SCNN1G: variants seen among roughly 807,000 people sequenced by gnomAD.
SCNN1G encodes the protein epithelial sodium channel subunit gamma.
SCNN1G carries 27 observed loss-of-function variants against 64.6 expected under a neutral mutation model. That is an observed-to-expected ratio of 0.42 (90% confidence interval 0.31 to 0.58). The LOEUF is 0.58. SCNN1G is among the 20% of genes least tolerant of loss of function. The pLI is 0.18. For missense variants in SCNN1G, 743 were observed against 823.4 expected (o/e 0.90, Z 1.19); for synonymous variants, 330 against 314.2 (o/e 1.05, Z -0.53).
intron 6 of SCNN1G, among the ~76,000 whole-genome samples, chr16:23,200,698 C>G (rs4299163): frequency 0.76 from 114,993 of 152,130 alleles, 43,981 homozygotes; most frequent in East Asian, 0.88. Flanking sequence ...ATTGCCATAA[C>G]TGCTATGAAG....
At chr16:23,189,728 C>T in intron 3 of SCNN1G, 57 bp downstream of exon 3, 2 of 1,519,298 alleles carry the variant, frequency 1.3e-6, no homozygotes, top group Non-Finnish European at 1.8e-6. Context: ...GGGCTGGGTC[C>T]AGGACTCTTC....
intron 4 of SCNN1G, 56 bp downstream of exon 4, chr16:23,192,598 G>A: frequency 6.9e-7 from 1 of 1,446,290 alleles, no homozygotes; most frequent in Non-Finnish European, 9.6e-7. Flanking sequence ...CTGAGTACCA[G>A]GCCCCTTGCA....
rs370096683 is a variant in SCNN1G, at chr16:23,188,334, C to T, written c.318-1037C>T. ...GACCAGCCTGGGCAACAGAGCAAGG[C>T]CCCCTCTCTAAAAATATTTTATTTT... is the stretch of plus-strand genomic sequence containing the variant. On this transcript the variant is annotated intron_variant, in intron 2 of 12. Transcript: ENST00000300061. Among the ~76,000 whole-genome samples, 3 of 152,158 alleles carry T rather than the reference C, an allele frequency of 2.0e-5. 1 individual carries two copies. The South Asian group carries it at 6.2e-4, about 32-fold the overall frequency.
In SCNN1G at chr16:23,215,558, C is replaced by T; in HGVS notation, c.*89C>T. 6.7e-7 allele frequency: 1 copy of T among 1,492,434 alleles called. No homozygotes were observed. Among genetic ancestry groups the T allele is most frequent in the Non-Finnish European group, 9.2e-7 (1 of 1,083,726 alleles). The allele number at this position is 1,492,434 out of a possible 1,614,324, so 92.4% of individuals were successfully genotyped here. A position where few individuals can be genotyped will look rare whatever the true frequency, so the allele number is the denominator to read the frequency against. ...TGCCCCCAGACGTGTGCACAGGGGACCCTCTGCCCCACTCTGGGCTTTTCA... is the reference window on the plus strand; with the variant it reads ...TGCCCCCAGACGTGTGCACAGGGGATCCTCTGCCCCACTCTGGGCTTTTCA... On this transcript the variant is annotated 3_prime_UTR_variant, in exon 13 of 13. Transcript: ENST00000300061.
At chr16:23,214,957 G>T in intron 12 of SCNN1G, 132 bp from the exon 13 acceptor site, 1 of 1,191,378 alleles carries the variant, frequency 8.4e-7, no homozygotes, top group Non-Finnish European at 1.2e-6. Context: ...AAACAGGAAG[G>T]CTGCCTGCTT....
At chr16:23,203,363 G>A (rs1484766375) in intron 6 of SCNN1G, among the ~76,000 whole-genome samples, 1 of 152,162 alleles carries the variant, frequency 6.6e-6, no homozygotes, top group Non-Finnish European at 1.5e-5. Flanking sequence ...TTGGGGACCA[G>A]GCCCTGGAGA....
chr16:23,213,397 T>A (rs1308284753), intron 11 of SCNN1G, among the ~76,000 whole-genome samples: 1 of 151,878 alleles, frequency 6.6e-6, no homozygotes, highest in Admixed American at 6.6e-5. Context: ...GGATTATAGG[T>A]GCGCAACATC....
At chr16:23,212,236 C>A in intron 8 of SCNN1G, 85 bp downstream of exon 8, 1 of 874,958 alleles carries the variant, frequency 1.1e-6, no homozygotes, top group South Asian at 1.3e-5. Context: ...GGACTCCACC[C>A]CTGTTGCCTT....
At chr16:23,208,311 C>T (rs1374296970) in intron 6 of SCNN1G, among the ~76,000 whole-genome samples, 8 of 151,988 alleles carry the variant, frequency 5.3e-5, no homozygotes, top group Admixed American at 3.3e-4. Context: ...TGTGCCACTG[C>T]ACTCCACCCT....
At chr16:23,186,910 C>T (rs1386666796) in intron 2 of SCNN1G, among the ~76,000 whole-genome samples, 1 of 152,036 alleles carries the variant, frequency 6.6e-6, no homozygotes, top group Non-Finnish European at 1.5e-5. Context: ...CTCCCAGGTT[C>T]TAACAATCCT....
intron 5 of SCNN1G, chr16:23,194,933 C>T (rs532070126): frequency 1.1e-4 from 17 of 153,244 alleles, no homozygotes; most frequent in African/African-American, 3.8e-4. Context: ...AAGATCAAGG[C>T]ACAGGCAGAC....
rs776924431 is a variant in SCNN1G, at chr16:23,189,550, A to T, written c.497A>T (p.Asp166Val). The T allele has an allele frequency of 1.2e-6, 2 of 1,614,226 alleles. No individual in the cohort carries two copies. Among genetic ancestry groups the T allele is most frequent in the South Asian group, 2.2e-5 (2 of 91,086 alleles). The change falls in exon 3 of 13, where the codon GAT becomes GTT. Residue 166 changes from aspartate to valine, a missense_variant. Physicochemically the swap from Asp to Val is radical, Grantham distance 152. Coordinates refer to ENST00000300061, the MANE Select transcript of SCNN1G (RefSeq NM_001039.4). ...HRIPLLIFDQ[D>V]EKGKARDFFT... The stretch of plus-strand genomic sequence containing the variant: ...ATTCCGCTGCTGATCTTTGATCAGG[A>T]TGAGAAGGGCAAGGCCAGGGACTTC...
intron 6 of SCNN1G, among the ~76,000 whole-genome samples, chr16:23,204,021 T>C (rs899449327): frequency 6.6e-6 from 1 of 151,668 alleles, no homozygotes; most frequent in African/African-American, 2.4e-5. Flanking sequence ...CTTACACCTG[T>C]AATTCCAGCA....
At chr16:23,204,320 TATATATATATATATAGAGAGAGAG>T (rs1567267087) in intron 6 of SCNN1G, among the ~76,000 whole-genome samples, 2 of 80,098 alleles carry the variant, frequency 2.5e-5, no homozygotes, top group Non-Finnish European at 5.0e-5. Context: ...TATATATATA[TATATATATATATATAGAGAGAGAG>T]AGAGAGAGAG....
Position 23,212,900 on chromosome 16 carries a change from T to C in SCNN1G, c.1431+6T>C. The stretch of plus-strand genomic sequence containing the variant: ...GGCCATCTGTGGTTTCGGAGGTAAG[T>C]TCTTCTGCCCACCCTTCCCCACTGA... On this transcript the variant is annotated splice_donor_region_variant and intron_variant, in intron 10 of 12. Transcript: ENST00000300061. 1 of 1,613,556 alleles carries C rather than the reference T, an allele frequency of 6.2e-7. No homozygotes were observed. The highest frequency in any genetic ancestry group is 8.5e-7 in the Non-Finnish European group (1 of 1,179,902).
In SCNN1G at chr16:23,189,393, C is replaced by G; in HGVS notation, c.340C>G (p.Leu114Val). 6.2e-7 allele frequency: 1 copy of G among 1,614,010 alleles called. No individual in the cohort carries two copies. Among genetic ancestry groups the G allele is most frequent in the Non-Finnish European group, 8.5e-7 (1 of 1,180,040 alleles). Reference protein sequence around the residue: ...PYKYSTVRHLLADLEQETREA... With the variant: ...PYKYSTVRHLVADLEQETREA... ...CAGGTACAGCACCGTTCGCCACCTT[C>G]TAGCTGACTTGGAACAGGAGACCAG... is the stretch of plus-strand genomic sequence containing the variant. The change falls in exon 3 of 13, where the codon CTA (leucine) becomes GTA (valine). Residue 114 changes from leucine (L) to valine (V), a missense_variant. Physicochemically the swap from Leu to Val is conservative, Grantham distance 32 (BLOSUM62 1). Coordinates refer to ENST00000300061, the MANE Select transcript of SCNN1G (RefSeq NM_001039.4).
At chr16:23,202,333 T>C (rs1039331392) in intron 6 of SCNN1G, among the ~76,000 whole-genome samples, 1 of 151,408 alleles carries the variant, frequency 6.6e-6, no homozygotes, top group African/African-American at 2.4e-5. Context: ...GGTAGATGGG[T>C]AGGTGGATGG....
intron 1 of SCNN1G, among the ~76,000 whole-genome samples, chr16:23,184,745 T>C (rs1310491007): frequency 7.0e-6 from 1 of 143,220 alleles, no homozygotes; most frequent in Non-Finnish European, 1.6e-5. Context: ...GGGTTCAGGG[T>C]GGGAAAAAAA....
chr16:23,194,261 G>A lies in SCNN1G; in HGVS notation c.900G>A (p.Gly300=), dbSNP rs775575496. 3 of 1,609,496 alleles carry A rather than the reference G, an allele frequency of 1.9e-6. No homozygotes were observed. The highest frequency in any genetic ancestry group is 2.2e-5 in the East Asian group (1 of 44,874). ...ENETILSTSM[G]GSEYGLQVIL... is the part of the protein sequence containing the mutation. ...AGACCATTCTCAGCACCTCCATGGG[G>A]GGCAGCGAATATGGTAAGGAAACCT... is the stretch of plus-strand genomic sequence containing the variant. The change falls in exon 5 of 13, where the codon GGG becomes GGA. Residue 300 remains glycine, a synonymous_variant. Coordinates refer to ENST00000300061, the MANE Select transcript of SCNN1G (RefSeq NM_001039.4).
Sources: gnomAD v4.1 joint callset for allele counts (sites outside exome capture counted in the v4.1 genomes callset) on GRCh38, gnomAD v4.1.1 for gene constraint, MANE v1.5 for transcripts, NCBI Gene and HGNC (gene_info 2026-07-23, HGNC 2026-07-21) for gene names.